CECR2: variants seen among roughly 807,000 people sequenced by gnomAD.
The protein encoded by CECR2 is chromatin remodeling regulator CECR2.
A neutral mutation model predicts 154.5 loss-of-function variants in CECR2; 30 were observed. The observed-to-expected ratio is 0.19, with a 90% confidence interval of 0.15 to 0.26. The LOEUF (loss-of-function observed/expected upper bound fraction) is 0.26. Among genes scored for constraint, CECR2 ranks in the 10% least tolerant of loss-of-function variants. The probability of loss-of-function intolerance (pLI) is 1.00; values close to 1 mark genes in which losing one functional copy is unlikely to be tolerated. For synonymous variants in CECR2, 725 were observed against 683.7 expected, an observed-to-expected ratio of 1.06 and a Z score of -0.94; for missense variants, 1,743 against 1,829.3, an observed-to-expected ratio of 0.95 and a Z score of 0.86.
chr22:17,511,714 T>C (rs1227208419), intron 7 of CECR2, 99 bp from the exon 8 acceptor site: 13 of 984,674 alleles, frequency 1.3e-5, no homozygotes, highest in Non-Finnish European at 2.0e-5. Context: ...GTGTGCCTCA[T>C]TGGCCACTTT....
chr22:17,471,953 A>G (rs1417169469), intron 1 of CECR2, among the ~76,000 whole-genome samples: 1 of 152,208 alleles, frequency 6.6e-6, no homozygotes, highest in Non-Finnish European at 1.5e-5. Context: ...ATTTACACAT[A>G]TATTGGTATA....
At chr22:17,509,834 A>G (rs2055910018) in intron 7 of CECR2, among the ~76,000 whole-genome samples, 1 of 152,184 alleles carries the variant, frequency 6.6e-6, no homozygotes. Flanking sequence ...TAAAGGCAAT[A>G]ATGGATGACG....
intron 1 of CECR2, among the ~76,000 whole-genome samples, chr22:17,467,866 A>G (rs924655275): frequency 3.2e-4 from 48 of 152,182 alleles, no homozygotes; most frequent in African/African-American, 1.1e-3. Context: ...ACACTACCCC[A>G]TGGGTCATCA....
Position 17,548,888 on chromosome 22 carries a change from C to T in CECR2, c.3601C>T (p.Pro1201Ser). The change falls in exon 17 of 19, where the codon CCT (proline) becomes TCT (serine). Residue 1201 changes from proline (P) to serine (S), a missense_variant. By Grantham distance (74) the Pro-to-Ser change is moderately conservative. Coordinates refer to ENST00000262608, the MANE Select transcript of CECR2 (RefSeq NM_001290047.2). ...QPSYHHYQRTPYYACPQSFSD... is the reference protein window; with the variant it reads ...QPSYHHYQRTSYYACPQSFSD... ...TTCCTACCACCACTATCAGCGAACTCCTTACTATGCCTGTCCACAGAGCTT... is the reference window on the plus strand; with the variant it reads ...TTCCTACCACCACTATCAGCGAACTTCTTACTATGCCTGTCCACAGAGCTT... 4 of 1,613,086 alleles carry T rather than the reference C, an allele frequency of 2.5e-6. No individual in the cohort carries two copies. The highest frequency in any genetic ancestry group is 3.4e-6 in the Non-Finnish European group (4 of 1,179,282).
At position 17,375,115 on chromosome 22, in the gene CECR2, A is replaced by AATAT. The variant is rs34379559; in HGVS notation, c.126+5215_126+5218dup. Among the ~76,000 whole-genome samples, 16 of 151,520 alleles carry AATAT rather than the reference A, an allele frequency of 1.1e-4. No homozygotes were observed. The East Asian group carries it at 2.0e-3, about 18-fold the overall frequency. The stretch of plus-strand genomic sequence containing the variant: ...AAGTATTCATTCATTTATTTCAGCA[A>AATAT]ATATATATATATTTTTGAGTCAGAG... On this transcript the variant is annotated intron_variant, in intron 1 of 18. Transcript: ENST00000262608.
At chr22:17,497,926 A>G (rs1359306227) in intron 3 of CECR2, among the ~76,000 whole-genome samples, 2 of 152,144 alleles carry the variant, frequency 1.3e-5, no homozygotes, top group African/African-American at 2.4e-5. Context: ...ACTGAGTTTT[A>G]TTTTTCAGGG....
Position 17,548,182 on chromosome 22 carries a change from A to C in CECR2, c.2895A>C (p.Pro965=), listed in dbSNP as rs1166871010. The change falls in exon 17 of 19, where the codon CCA becomes CCC. Residue 965 remains proline (P), a synonymous_variant. Coordinates refer to ENST00000262608, the MANE Select transcript of CECR2 (RefSeq NM_001290047.2). ...EPLPGLEEKP[P]GVGTSEGVYL... is the part of the protein sequence containing the mutation. ...TGCCTGGCCTTGAAGAGAAACCACC[A>C]GGTGTTGGTACTTCAGAGGGGGTCT... The C allele has an allele frequency of 5.7e-6, 9 of 1,570,266 alleles. No homozygotes were observed. The highest frequency in any genetic ancestry group is 7.8e-6 in the Non-Finnish European group (9 of 1,158,526).
chr22:17,486,814 A>G (rs184306168), intron 2 of CECR2, among the ~76,000 whole-genome samples: 16 of 152,318 alleles, frequency 1.1e-4, no homozygotes, highest in Admixed American at 1.0e-3. Context: ...AGAAGACAGA[A>G]GGTATGAATA....
At chr22:17,499,093 G>A (rs180836491) in intron 3 of CECR2, among the ~76,000 whole-genome samples, 2 of 151,986 alleles carry the variant, frequency 1.3e-5, no homozygotes, top group Non-Finnish European at 1.5e-5. Flanking sequence ...AGGTTCAAGC[G>A]ATTCTCCTGC....
Position 17,549,790 on chromosome 22 carries a change from T to G in CECR2, c.4277+226T>G, listed in dbSNP as rs911132914. Among the ~76,000 whole-genome samples the G allele has an allele frequency of 1.7e-4, 25 of 144,662 alleles. No individual in the cohort carries two copies. In the South Asian group the frequency reaches 1.8e-3, roughly 10 times the overall value. 94.9% of individuals were successfully genotyped at this position (144,662 alleles called of 152,430 possible). A position where few individuals can be genotyped will look rare whatever the true frequency, so the allele number is the denominator to read the frequency against. ...ACACCCAGCTAACTTTTTGGTTTTT[T>G]TTTTTTTTTTTTTTTGGTGGAGGTA... is the stretch of plus-strand genomic sequence containing the variant. On this transcript the variant is annotated intron_variant, in intron 17 of 18. Transcript: ENST00000262608.
rs538497097 is a variant in CECR2 at position 17,458,921 on chromosome 22, A to C, written c.127-18667A>C. Among the ~76,000 whole-genome samples the C allele has an allele frequency of 2.2e-4, 34 of 152,330 alleles. No individual in the cohort carries two copies. In the East Asian group the frequency reaches 6.6e-3, roughly 29 times the overall value. On this transcript the variant is annotated intron_variant, in intron 1 of 18. Transcript: ENST00000262608. The stretch of plus-strand genomic sequence containing the variant: ...AAAATCTCACTTCAGGAGCTTTAAA[A>C]ATTGTGAAGTTAGCACATTTAAATA...
At chr22:17,423,670 C>A (rs1255560179) in intron 1 of CECR2, among the ~76,000 whole-genome samples, 2 of 152,130 alleles carry the variant, frequency 1.3e-5, no homozygotes, top group Non-Finnish European at 2.9e-5. Flanking sequence ...CCCCTATACA[C>A]CATGAGTGGG....
At chr22:17,492,242 T>C (rs1194573240) in intron 2 of CECR2, among the ~76,000 whole-genome samples, 4 of 152,208 alleles carry the variant, frequency 2.6e-5, no homozygotes, top group African/African-American at 9.7e-5. Context: ...GTGCCAAACC[T>C]TTATTGCTCC....
At chr22:17,377,594 T>C (rs2063132976) in intron 1 of CECR2, among the ~76,000 whole-genome samples, 1 of 152,212 alleles carries the variant, frequency 6.6e-6, no homozygotes, top group Non-Finnish European at 1.5e-5. Flanking sequence ...TTATATCTCA[T>C]GTCATCAATA....
In CECR2 at chr22:17,503,119, C is replaced by A; in HGVS notation, c.688C>A (p.Gln230Lys). 6.2e-7 allele frequency: 1 copy of A among 1,612,352 alleles called. No individual in the cohort carries two copies. Among genetic ancestry groups the A allele is most frequent in the Non-Finnish European group, 8.5e-7 (1 of 1,179,114 alleles). The change falls in exon 6 of 19, where the codon CAG (glutamine) becomes AAG (lysine). Residue 230 changes from glutamine to lysine, a missense_variant. By Grantham distance (53) the Gln-to-Lys change is moderately conservative (BLOSUM62 1). This residue lies in a region of CECR2 where 292 missense variants were observed against 301.2 expected (regional missense o/e 0.97). Transcript: ENST00000262608. ...AGAAAATTCCTTGGCATCCGAGCCA[C>A]AGACAAGACATGGTAATGTTCTTTA... ...QEENSLASEP[Q>K]TRHGSQGPGQ...
chr22:17,395,216 C>A (rs1000589456), intron 1 of CECR2, among the ~76,000 whole-genome samples: 1 of 151,988 alleles, frequency 6.6e-6, no homozygotes, highest in African/African-American at 2.4e-5. Context: ...TTGGCAGAGA[C>A]GAGGTCTCAC....
intron 2 of CECR2, among the ~76,000 whole-genome samples, chr22:17,487,464 C>A (rs1046232411): frequency 3.3e-5 from 5 of 152,104 alleles, no homozygotes; most frequent in African/African-American, 1.2e-4. Context: ...CTTTGGGAGG[C>A]CGAGGCGGGT....
chr22:17,365,875 G>A (rs144880167), upstream of CECR2, among the ~76,000 whole-genome samples: 539 of 151,746 alleles, frequency 3.6e-3, 5 homozygotes, highest in East Asian at 0.024. Context: ...AAAAAAAAAG[G>A]GTGGTTCATT....
At chr22:17,433,091 A>C (rs1333448162) in intron 1 of CECR2, among the ~76,000 whole-genome samples, 2 of 152,194 alleles carry the variant, frequency 1.3e-5, no homozygotes. Flanking sequence ...TTTGGGTGGA[A>C]TCCTTTATCG....
Sources: allele counts gnomAD v4.1 joint callset (sites outside exome capture counted in the v4.1 genomes callset), GRCh38; gene constraint gnomAD v4.1.1; regional missense constraint gnomAD v4.1.1; transcripts MANE v1.5; gene names NCBI Gene and HGNC (gene_info 2026-07-23, HGNC 2026-07-21).